Variants in GLIS3 observed in about 807,000 individuals in gnomAD.
GLIS3 encodes the protein GLIS family zinc finger 3.
A neutral mutation model predicts 78.6 loss-of-function variants in GLIS3; 53 were observed. That is an observed-to-expected ratio of 0.67 (90% confidence interval 0.54 to 0.85). The LOEUF (loss-of-function observed/expected upper bound fraction) is 0.85, where lower values mean the gene tolerates loss of function less well. GLIS3 is among the 40% of genes least tolerant of loss of function. GLIS3 has a pLI of 0.00. For synonymous variants in GLIS3, 684 were observed against 509.9 expected (o/e 1.34, Z -4.60); for missense variants, 1,703 against 1,231.1 (o/e 1.38, Z -5.74).
chr9:4,125,740 T>C lies in GLIS3; in HGVS notation c.590A>G (p.Asp197Gly). 1 of 1,612,924 alleles carries C rather than the reference T, an allele frequency of 6.2e-7. No homozygotes were observed. The highest frequency in any genetic ancestry group is 8.5e-7 in the Non-Finnish European group (1 of 1,179,390). Residue 197 changes from aspartate to glycine, a missense_variant, in exon 3 of 11, where the codon GAT (aspartate) becomes GGT (glycine). By Grantham distance (94) the Asp-to-Gly change is moderately conservative. Coordinates refer to ENST00000381971, the MANE Select transcript of GLIS3 (RefSeq NM_001042413.2). ...AAAAAAGTTAACTTGAGACCTGGTA[T>C]CTGAAGGAGGTATATTCAGGTTGGC... ...NAANLNIPPS[D>G]TRSLISRESL...
At chr9:4,333,817 A>G (rs1200797464) in intron 2 of GLIS3, among the ~76,000 whole-genome samples, 1 of 142,338 alleles carries the variant, frequency 7.0e-6, no homozygotes, top group African/African-American at 2.6e-5. Context: ...TATCCTCCCA[A>G]GAGAAATTAT....
the GLIS3 span, among the ~76,000 whole-genome samples, chr9:4,432,801 C>A: frequency 1.3e-5 from 2 of 151,858 alleles, no homozygotes; most frequent in Non-Finnish European, 2.9e-5. Context: ...CCACCACGCC[C>A]GGCTAATTTT....
intron 8 of GLIS3, among the ~76,000 whole-genome samples, chr9:3,876,213 T>C (rs1821296554): frequency 6.6e-6 from 1 of 152,162 alleles, no homozygotes; most frequent in Non-Finnish European, 1.5e-5. Flanking sequence ...TGGAACACTG[T>C]GTAAAATAAA....
At chr9:3,858,120 C>T (rs1819909590) in intron 8 of GLIS3, among the ~76,000 whole-genome samples, 1 of 152,124 alleles carries the variant, frequency 6.6e-6, no homozygotes, top group African/African-American at 2.4e-5. Context: ...GGAGCAAGAT[C>T]CTTTGATCGG....
intron 4 of GLIS3, among the ~76,000 whole-genome samples, chr9:4,307,067 G>T (rs1435262672): frequency 6.6e-6 from 1 of 152,196 alleles, no homozygotes; most frequent in African/African-American, 2.4e-5. Context: ...GTTTAGTTAT[G>T]GCAATGATAA....
chr9:3,928,650 A>T (rs1168014479), intron 6 of GLIS3, among the ~76,000 whole-genome samples: 2 of 152,232 alleles, frequency 1.3e-5, no homozygotes, highest in Non-Finnish European at 2.9e-5. Context: ...TAATTTTGCC[A>T]GAAAGCAATA....
intron 1 of GLIS3, among the ~76,000 whole-genome samples, chr9:4,294,446 T>A (rs112732968): frequency 6.6e-6 from 1 of 151,586 alleles, no homozygotes; most frequent in African/African-American, 2.4e-5. Flanking sequence ...GAGGGGGAGG[T>A]TGCAGTAAGC....
At position 3,879,454 on chromosome 9, in the gene GLIS3, A is replaced by G. The variant is rs576465879; in HGVS notation, c.2270T>C (p.Leu757Pro). 2.0e-5 allele frequency: 32 copies of G among 1,613,996 alleles called. No individual in the cohort carries two copies. The African/African-American group carries it at 3.6e-4, about 18-fold the overall frequency. Residue 757 changes from leucine (L) to proline (P), a missense_variant, in exon 8 of 11, where the codon CTC (leucine) becomes CCC (proline). Physicochemically the swap from Leu to Pro is moderately conservative, Grantham distance 98 (BLOSUM62 -3). Transcript: ENST00000381971. ...CTCAGCTCCTGCGTCCACAGCTGTG[A>G]GTGGAGGTAACTGGGAGGAGGGGTT... The part of the protein sequence containing the change: ...PHNPSSQLPP[L>P]TAVDAGAERF...
At chr9:4,284,572 G>C (rs1827821478) in intron 2 of GLIS3, among the ~76,000 whole-genome samples, 1 of 151,316 alleles carries the variant, frequency 6.6e-6, no homozygotes, top group Admixed American at 6.6e-5. Flanking sequence ...GAAATAAAAT[G>C]ACTCAAAACT....
chr9:4,305,901 T>C (rs982194656), intron 4 of GLIS3: 2 of 152,226 alleles, frequency 1.3e-5, no homozygotes, highest in Admixed American at 6.5e-5. Context: ...TTTTTTCATT[T>C]GTACAAGTCA....
chr9:4,274,444 C>G (rs1440485754), intron 2 of GLIS3, among the ~76,000 whole-genome samples: 1 of 152,052 alleles, frequency 6.6e-6, no homozygotes, highest in Non-Finnish European at 1.5e-5. Context: ...TGCCCAGAGC[C>G]TCACTGGCAA....
At chr9:4,346,340 C>T (rs1480584040) in intron 2 of GLIS3, among the ~76,000 whole-genome samples, 2 of 152,156 alleles carry the variant, frequency 1.3e-5, no homozygotes, top group African/African-American at 4.8e-5. Flanking sequence ...ACATACAAAG[C>T]TTCATTTGAC....
chr9:3,899,234 G>C (rs1823104203), intron 6 of GLIS3, among the ~76,000 whole-genome samples: 1 of 152,106 alleles, frequency 6.6e-6, no homozygotes, highest in Non-Finnish European at 1.5e-5. Context: ...AAACATCCCA[G>C]AGATGATTAA....
the GLIS3 span, among the ~76,000 whole-genome samples, chr9:4,479,904 C>CTTTT: frequency 3.9e-3 from 419 of 108,694 alleles, no homozygotes; most frequent in Non-Finnish European, 5.4e-3. Context: ...ATTTCTTCTT[C>CTTTT]TTTTTTTTTT....
At chr9:4,197,787 G>C (rs1354648577) in intron 2 of GLIS3, among the ~76,000 whole-genome samples, 3 of 152,134 alleles carry the variant, frequency 2.0e-5, no homozygotes, top group African/African-American at 4.8e-5. Context: ...TTACTCATCT[G>C]CGCCATCTAC....
intron 2 of GLIS3, among the ~76,000 whole-genome samples, chr9:4,239,355 T>G (rs1823080368): frequency 6.6e-6 from 1 of 151,438 alleles, no homozygotes; most frequent in Middle Eastern, 3.4e-3. Context: ...TCTTAACCCA[T>G]AGACGTTCAC....
intron 2 of GLIS3, among the ~76,000 whole-genome samples, chr9:4,138,142 G>A (rs574119660): frequency 6.6e-6 from 1 of 152,110 alleles, no homozygotes; most frequent in Non-Finnish European, 1.5e-5. Flanking sequence ...AGCCTCATCT[G>A]GTGGACACAT....
At chr9:4,058,973 C>G (rs1563997232) in intron 4 of GLIS3, among the ~76,000 whole-genome samples, 2 of 150,474 alleles carry the variant, frequency 1.3e-5, no homozygotes, top group Non-Finnish European at 1.5e-5. Context: ...CAGAGCAAGA[C>G]TCCATCTCAA....
At chr9:4,436,435 T>C in the GLIS3 span, among the ~76,000 whole-genome samples, 1 of 152,162 alleles carries the variant, frequency 6.6e-6, no homozygotes, top group Non-Finnish European at 1.5e-5. Context: ...AATCTCTGTC[T>C]GTTCAGGTTC....
Sources: allele counts gnomAD v4.1 joint callset (sites outside exome capture counted in the v4.1 genomes callset), GRCh38; gene constraint gnomAD v4.1.1; transcripts MANE v1.5; gene names NCBI Gene and HGNC (gene_info 2026-07-23, HGNC 2026-07-21).